Variants in UBE2E2 observed in about 807,000 individuals in gnomAD.
UBE2E2 encodes the protein ubiquitin conjugating enzyme E2 E2, also known as ubiquitin-conjugating enzyme E2 E2.
Under a neutral mutation model 24.7 loss-of-function variants are expected in UBE2E2, and 6 were observed. That is an observed-to-expected ratio of 0.24 (90% CI 0.13 to 0.48). The LOEUF is 0.48. Among genes scored for constraint, UBE2E2 ranks in the 20% least tolerant of loss-of-function variants. The probability of loss-of-function intolerance (pLI) is 0.99; values close to 1 mark genes in which losing one functional copy is unlikely to be tolerated. For missense variants in UBE2E2, 169 were observed against 245.0 expected (o/e 0.69, Z 2.07); for synonymous variants, 104 against 83.6 (o/e 1.24, Z -1.33).
chr3:23,530,936 A>AT (rs1170808232), intron 4 of UBE2E2, among the ~76,000 whole-genome samples: 1 of 152,110 alleles, frequency 6.6e-6, no homozygotes, highest in Admixed American at 6.6e-5. Context: ...TTGGTTTTTA[A>AT]TTCTGGGCTC....
At chr3:23,266,604 C>G (rs1340413620) in intron 3 of UBE2E2, among the ~76,000 whole-genome samples, 1 of 151,976 alleles carries the variant, frequency 6.6e-6, no homozygotes, top group African/African-American at 2.4e-5. Context: ...TTTGCTGAAT[C>G]TGACAATTAT....
At chr3:23,237,410 G>C (rs1030890625) in intron 3 of UBE2E2, among the ~76,000 whole-genome samples, 4 of 152,036 alleles carry the variant, frequency 2.6e-5, no homozygotes, top group African/African-American at 9.7e-5. Flanking sequence ...ATACATATAA[G>C]TATCTTGTTA....
At chr3:23,458,801 G>T (rs1215015362) in intron 3 of UBE2E2, among the ~76,000 whole-genome samples, 2 of 152,158 alleles carry the variant, frequency 1.3e-5, no homozygotes, top group Non-Finnish European at 2.9e-5. Context: ...GAGACATAAA[G>T]TGAGCATGTA....
At chr3:23,257,648 G>C (rs183385787) in intron 3 of UBE2E2, among the ~76,000 whole-genome samples, 40 of 149,822 alleles carry the variant, frequency 2.7e-4, no homozygotes, top group African/African-American at 9.6e-4. Context: ...TGGGACTATA[G>C]GCACAGGCCA....
intron 3 of UBE2E2, among the ~76,000 whole-genome samples, chr3:23,225,974 G>A: frequency 6.6e-6 from 1 of 152,014 alleles, no homozygotes; most frequent in African/African-American, 2.4e-5. Flanking sequence ...CCGCCTCCCA[G>A]GTTCAAGCAA....
chr3:23,558,328 T>C (rs1695839131), intron 5 of UBE2E2, among the ~76,000 whole-genome samples: 1 of 152,172 alleles, frequency 6.6e-6, no homozygotes, highest in Non-Finnish European at 1.5e-5. Context: ...GCAAATGGTA[T>C]TTCACTTCAT....
intron 3 of UBE2E2, among the ~76,000 whole-genome samples, chr3:23,243,074 A>G (rs1697298649): frequency 6.6e-6 from 1 of 151,102 alleles, no homozygotes. Flanking sequence ...CGACAGAGTG[A>G]GACGCTGTTT....
intron 3 of UBE2E2, among the ~76,000 whole-genome samples, chr3:23,342,498 T>G (rs1263064485): frequency 2.0e-5 from 3 of 152,228 alleles, no homozygotes; most frequent in Non-Finnish European, 4.4e-5. Context: ...ACATTTCACT[T>G]TAGTCTCTAT....
At position 23,389,756 on chromosome 3, in the gene UBE2E2, C is replaced by T. The variant is rs1696889940; in HGVS notation, c.228-109852C>T. 2.3e-5 allele frequency: 4 copies of T among 177,026 alleles called. 1 individual carries two copies. The South Asian group carries it at 6.5e-4, about 29-fold the overall frequency. The allele number at this position is 177,026 out of a possible 1,614,324, so 11.0% of individuals were successfully genotyped here. ...ACTAGAGGGGTTTTCTGTGCTTCTT[C>T]CCCGATAGAGTAATGTTGGTAGGTG... On this transcript the variant is annotated intron_variant, in intron 3 of 5. Transcript: ENST00000396703.
rs375110046 is a variant in UBE2E2, at chr3:23,381,734, A to G, written c.228-117874A>G. Among the ~76,000 whole-genome samples, 34 of 152,354 alleles carry G rather than the reference A, an allele frequency of 2.2e-4. No individual in the cohort carries two copies. In the South Asian group the frequency reaches 6.6e-3, roughly 30 times the overall value. On this transcript the variant is annotated intron_variant, in intron 3 of 5. Transcript: ENST00000396703. ...ATAACTTTTTCTGTCAATGAGAATT[A>G]CTGTTCTTTATAATTGTGAGTCTCA...
At chr3:23,553,322 A>T (rs996065221) in intron 5 of UBE2E2, among the ~76,000 whole-genome samples, 5 of 152,174 alleles carry the variant, frequency 3.3e-5, no homozygotes, top group Non-Finnish European at 7.4e-5. Flanking sequence ...TAAAAAAAAA[A>T]ATAATTTCAA....
chr3:23,460,717 A>G (rs1254560687), intron 3 of UBE2E2, among the ~76,000 whole-genome samples: 1 of 152,192 alleles, frequency 6.6e-6, no homozygotes, highest in Non-Finnish European at 1.5e-5. Flanking sequence ...GCTTGGCCTT[A>G]AAGGATGAAG....
intron 3 of UBE2E2, among the ~76,000 whole-genome samples, chr3:23,489,206 G>A (rs1267715325): frequency 2.0e-5 from 3 of 152,000 alleles, no homozygotes; most frequent in African/African-American, 4.8e-5. Context: ...ATTCAAGCAC[G>A]TTACATTTAT....
intron 3 of UBE2E2, among the ~76,000 whole-genome samples, chr3:23,372,279 T>C (rs1211196178): frequency 6.6e-6 from 1 of 152,246 alleles, no homozygotes; most frequent in Non-Finnish European, 1.5e-5. Flanking sequence ...ATTTCTGTTT[T>C]GTTTACTAAG....
At chr3:23,286,578 T>C (rs2125375461) in intron 3 of UBE2E2, among the ~76,000 whole-genome samples, 1 of 152,324 alleles carries the variant, frequency 6.6e-6, no homozygotes, top group Non-Finnish European at 1.5e-5. Flanking sequence ...TGAAGTCAGG[T>C]AATATGATTT....
At chr3:23,485,390 C>T (rs1433002428) in intron 3 of UBE2E2, among the ~76,000 whole-genome samples, 2 of 152,166 alleles carry the variant, frequency 1.3e-5, no homozygotes, top group Non-Finnish European at 2.9e-5. Context: ...AGCCTCCACG[C>T]CTGGCCTCAA....
chr3:23,325,013 G>A (rs777309292), intron 3 of UBE2E2, among the ~76,000 whole-genome samples: 1 of 152,076 alleles, frequency 6.6e-6, no homozygotes, highest in Non-Finnish European at 1.5e-5. Flanking sequence ...GCTTTCTGCC[G>A]CCAAGCAGGA....
chr3:23,208,944 G>C, intron 2 of UBE2E2, 69 bp downstream of exon 2: 1 of 1,413,866 alleles, frequency 7.1e-7, no homozygotes, highest in Non-Finnish European at 9.4e-7. Context: ...TTTTTCTCTT[G>C]CATTTAATCA....
At chr3:23,519,191 A>C (rs1357789020) in intron 4 of UBE2E2, among the ~76,000 whole-genome samples, 1 of 151,998 alleles carries the variant, frequency 6.6e-6, no homozygotes, top group Non-Finnish European at 1.5e-5. Context: ...AAGAATTAGC[A>C]CATTCTCAAA....
Sources: allele counts gnomAD v4.1 joint callset (sites outside exome capture counted in the v4.1 genomes callset), GRCh38; gene constraint gnomAD v4.1.1; transcripts MANE v1.5; gene names NCBI Gene and HGNC (gene_info 2026-07-23, HGNC 2026-07-21).